CD226: variants seen among roughly 807,000 people sequenced by gnomAD.
CD226 encodes the protein CD226 molecule.
CD226 carries 24 observed loss-of-function variants against 34.9 expected under a neutral mutation model. That is an observed-to-expected ratio of 0.69 (90% CI 0.50 to 0.97). The LOEUF is 0.97. Among genes scored for constraint, CD226 ranks in the 50% least tolerant of loss-of-function variants. The pLI is 0.00. For synonymous variants in CD226, 148 were observed against 147.4 expected (o/e 1.00, Z -0.03); for missense variants, 397 against 412.7 (o/e 0.96, Z 0.33).
At chr18:69,919,148 C>T (rs2055420886) in intron 2 of CD226, among the ~76,000 whole-genome samples, 1 of 152,194 alleles carries the variant, frequency 6.6e-6, no homozygotes, top group Admixed American at 6.5e-5. Context: ...AATGTTCGGA[C>T]AGTTGAGGCT....
At chr18:69,900,508 G>A (rs1396024511) in intron 2 of CD226, among the ~76,000 whole-genome samples, 12 of 151,780 alleles carry the variant, frequency 7.9e-5, no homozygotes, top group South Asian at 2.1e-4. Context: ...CGAGGCGGGC[G>A]GATCACGAGG....
rs1599361933 is a variant in CD226, at chr18:69,857,928, T to A, written c.*6386A>T. On this transcript the variant is annotated 3_prime_UTR_variant, in exon 6 of 6. Transcript: ENST00000582621. ...TTCTTACTTGAAATTTTGGAGGTAGTATGTTACCAAAAAAAATGGTAGTTC... is the reference window on the plus strand; with the variant it reads ...TTCTTACTTGAAATTTTGGAGGTAGAATGTTACCAAAAAAAATGGTAGTTC... The A allele has an allele frequency of 6.6e-6, 1 of 152,256 alleles. No homozygotes were observed. The highest frequency in any genetic ancestry group is 6.5e-5 in the Admixed American group (1 of 15,286). 9.4% of individuals were successfully genotyped at this position (152,256 alleles called of 1,614,324 possible). A position where few individuals can be genotyped will look rare whatever the true frequency, so the allele number is the denominator to read the frequency against.
intron 2 of CD226, among the ~76,000 whole-genome samples, chr18:69,924,431 GT>G (rs1207210746): frequency 6.6e-6 from 1 of 151,676 alleles, no homozygotes; most frequent in Non-Finnish European, 1.5e-5. Context: ...AAAGTCAAAA[GT>G]TCATTGGAAA....
intron 2 of CD226, among the ~76,000 whole-genome samples, chr18:69,916,301 A>G (rs2055385087): frequency 6.6e-6 from 1 of 152,330 alleles, no homozygotes; most frequent in African/African-American, 2.4e-5. Context: ...AGACAAAACC[A>G]ATTTTAAATA....
At chr18:69,866,096 T>C (rs56249713) in intron 5 of CD226, among the ~76,000 whole-genome samples, 49,267 of 152,094 alleles carry the variant, frequency 0.32, 9,825 homozygotes, top group East Asian at 0.45. Flanking sequence ...TATCCTCACA[T>C]TGCAAAGAGC....
intron 2 of CD226, among the ~76,000 whole-genome samples, chr18:69,902,340 T>A (rs1467389679): frequency 2.6e-5 from 4 of 152,080 alleles, no homozygotes; most frequent in Non-Finnish European, 5.9e-5. Context: ...CTGCTCGGCC[T>A]CACCCTTTCC....
chr18:69,867,276 T>A lies in CD226; in HGVS notation c.885+81A>T, dbSNP rs566500137. The A allele has an allele frequency of 2.0e-3, 1,752 of 874,144 alleles. 3 individuals are homozygous for A. Among genetic ancestry groups the A allele is most frequent in the Non-Finnish European group, 2.7e-3 (1,434 of 527,190 alleles). The allele number at this position is 874,144 out of a possible 1,614,324, so 54.1% of individuals were successfully genotyped here. A position where few individuals can be genotyped will look rare whatever the true frequency, so the allele number is the denominator to read the frequency against. Reference sequence around the variant, plus strand: ...AGGTTACTGAAAGGACAATAAAATATAAGATTGCTAACTGCAAAAGAGACT... The same window carrying A: ...AGGTTACTGAAAGGACAATAAAATAAAAGATTGCTAACTGCAAAAGAGACT... On this transcript the variant is annotated intron_variant, in intron 5 of 5. Coordinates refer to ENST00000582621, the MANE Select transcript of CD226 (RefSeq NM_001303618.2).
At chr18:69,876,037 C>T (rs187886436) in intron 3 of CD226, among the ~76,000 whole-genome samples, 11 of 152,254 alleles carry the variant, frequency 7.2e-5, no homozygotes, top group South Asian at 6.2e-4. Flanking sequence ...TGTTTATATA[C>T]ATCAAATAAT....
intron 2 of CD226, among the ~76,000 whole-genome samples, chr18:69,931,653 AAG>A (rs971628114): frequency 6.6e-6 from 1 of 152,222 alleles, no homozygotes; most frequent in African/African-American, 2.4e-5. Context: ...TTCTGAGCCA[AAG>A]CTCTGGCAGT....
At chr18:69,902,678 A>C (rs1235590571) in intron 2 of CD226, among the ~76,000 whole-genome samples, 1 of 151,780 alleles carries the variant, frequency 6.6e-6, no homozygotes, top group Non-Finnish European at 1.5e-5. Context: ...GGTGCAGATC[A>C]AGTGCAAATC....
intron 2 of CD226, among the ~76,000 whole-genome samples, chr18:69,909,351 T>C (rs1269509348): frequency 1.3e-5 from 2 of 152,172 alleles, no homozygotes; most frequent in Non-Finnish European, 2.9e-5. Flanking sequence ...TTCTGCCAAA[T>C]GGAAACCCAC....
chr18:69,955,550 T>A (rs1252532948), intron 1 of CD226, among the ~76,000 whole-genome samples: 2 of 152,058 alleles, frequency 1.3e-5, no homozygotes, highest in African/African-American at 4.8e-5. Context: ...CCCCAGCTGT[T>A]AAGAGGCTCA....
chr18:69,957,350 CTTTT>C (rs11373057), upstream of CD226, among the ~76,000 whole-genome samples: 1 of 149,464 alleles, frequency 6.7e-6, no homozygotes, highest in Non-Finnish European at 1.5e-5. Flanking sequence ...TCTAGATACT[CTTTT>C]TTTTTTCTTT....
In CD226 at chr18:69,881,745, C is replaced by T. The variant is rs80009622; in HGVS notation, c.728-8499G>A. Reference sequence around the variant, plus strand: ...TGCTTGCTCCTGCAGCTAGACTCGCCTTCCTGGGGAAAGGCACAGGTACTG... The same window carrying T: ...TGCTTGCTCCTGCAGCTAGACTCGCTTTCCTGGGGAAAGGCACAGGTACTG... On this transcript the variant is annotated intron_variant, in intron 3 of 5. Coordinates refer to ENST00000582621, the MANE Select transcript of CD226 (RefSeq NM_001303618.2). 3.5e-3 allele frequency among the ~76,000 whole-genome samples: 534 copies of T among 152,294 alleles called. 4 individuals are homozygous for T. The highest frequency in any genetic ancestry group is 0.012 in the African/African-American group (508 of 41,546).
upstream of CD226, among the ~76,000 whole-genome samples, chr18:69,952,074 C>A (rs2055858983): frequency 6.6e-6 from 1 of 152,168 alleles, no homozygotes; most frequent in Non-Finnish European, 1.5e-5. Context: ...TATATATCCA[C>A]AATGGAATAC....
At position 69,864,370 on chromosome 18, in the gene CD226, C is replaced by T. The variant is rs1983000722; in HGVS notation, c.955G>A (p.Glu319Lys). Residue 319 changes from glutamate to lysine, a missense_variant, in exon 6 of 6, where the codon GAG becomes AAG. Coordinates refer to ENST00000582621, the MANE Select transcript of CD226 (RefSeq NM_001303618.2). The part of the protein sequence containing the change: ...PTNQSMDDTR[E>K]DIYVNYPTFS... ...GTTGGATAGTTGACATAAATATCCT[C>T]TCTTGTATCATCCATGGATTGATTG... The T allele has an allele frequency of 1.9e-6, 3 of 1,613,098 alleles. No individual in the cohort carries two copies. The highest frequency in any genetic ancestry group is 3.3e-5 in the Admixed American group (2 of 60,018).
upstream of CD226, among the ~76,000 whole-genome samples, chr18:69,957,854 C>T (rs2055909546): frequency 1.3e-5 from 2 of 152,180 alleles, no homozygotes; most frequent in South Asian, 4.1e-4. Flanking sequence ...CCTCACTGTC[C>T]CCAAGAGAAT....
intron 3 of CD226, among the ~76,000 whole-genome samples, chr18:69,888,410 CTT>C (rs1984687188): frequency 1.5e-5 from 2 of 134,192 alleles, no homozygotes; most frequent in African/African-American, 5.3e-5. Flanking sequence ...TATTTTTTTC[CTT>C]TCTCTTTTTT....
chr18:69,917,211 G>A (rs527451505), intron 2 of CD226, among the ~76,000 whole-genome samples: 1 of 152,254 alleles, frequency 6.6e-6, no homozygotes, highest in Non-Finnish European at 1.5e-5. Context: ...AAAGCCTCCA[G>A]GATAAAATTC....
Sources: gnomAD v4.1 joint callset for allele counts (sites outside exome capture counted in the v4.1 genomes callset) on GRCh38, gnomAD v4.1.1 for gene constraint, MANE v1.5 for transcripts, NCBI Gene and HGNC (gene_info 2026-07-23, HGNC 2026-07-21) for gene names.